Variants in PCDHGA3 observed in about 807,000 individuals in gnomAD.
PCDHGA3 encodes protocadherin gamma-A3.
In PCDHGA3, 40 loss-of-function variants were observed where a neutral mutation model predicts 58.5. The ratio of observed to expected loss-of-function variants is 0.68; its 90% CI spans 0.53 to 0.89. The LOEUF is 0.89. Ranked by LOEUF, PCDHGA3 falls within the 40% of genes least tolerant of loss-of-function variation. The probability of loss-of-function intolerance (pLI) is 0.00; values close to 1 mark genes in which losing one functional copy is unlikely to be tolerated. For synonymous variants in PCDHGA3, 530 were observed against 525.7 expected (o/e 1.01, Z -0.11); for missense variants, 1,223 against 1,195.9 (o/e 1.02, Z -0.33).
chr5:141,459,284 A>C (rs2098965103), intron 1 of PCDHGA3, among the ~76,000 whole-genome samples: 1 of 152,174 alleles, frequency 6.6e-6, no homozygotes, highest in African/African-American at 2.4e-5. Flanking sequence ...ATTTCATCTA[A>C]ATGGAATCCT....
Position 141,476,538 on chromosome 5 carries a change from A to G in PCDHGA3, c.2425-18269A>G, listed in dbSNP as rs2099393283. ...CCTGCTTTCCCTACCCAGGAAATGAAATTGGAGATTAGCGAGGCCGTGGCT... is the reference window on the plus strand; with the variant it reads ...CCTGCTTTCCCTACCCAGGAAATGAGATTGGAGATTAGCGAGGCCGTGGCT... On this transcript the variant is annotated intron_variant, in intron 1 of 3. Coordinates refer to ENST00000253812, the MANE Select transcript of PCDHGA3 (RefSeq NM_018916.4). The surrounding 1 kb of genome is among the most constrained non-coding windows in gnomAD (Gnocchi z 7.6). 1.2e-6 allele frequency: 2 copies of G among 1,614,162 alleles called. No homozygotes were observed. Among genetic ancestry groups the G allele is most frequent in the Non-Finnish European group, 1.7e-6 (2 of 1,180,042 alleles).
intron 1 of PCDHGA3, among the ~76,000 whole-genome samples, chr5:141,467,017 C>T (rs1036255706): frequency 4.0e-5 from 6 of 151,156 alleles, no homozygotes; most frequent in African/African-American, 1.5e-4. Context: ...AATTTTTTTC[C>T]CTTTGTTTTT....
At chr5:141,461,354 C>T (rs1189322704) in intron 1 of PCDHGA3, among the ~76,000 whole-genome samples, 2 of 152,054 alleles carry the variant, frequency 1.3e-5, no homozygotes, top group Non-Finnish European at 2.9e-5. Context: ...GGTGGTAGCT[C>T]GTTGTGGTTT....
chr5:141,415,428 G>A, intron 1 of PCDHGA3: 1 of 1,614,206 alleles, frequency 6.2e-7, no homozygotes, highest in Non-Finnish European at 8.5e-7. Flanking sequence ...ACGGGGTTCG[G>A]GCTTTCCTGC....
intron 1 of PCDHGA3, among the ~76,000 whole-genome samples, chr5:141,452,947 G>C (rs2098752833): frequency 6.6e-6 from 1 of 152,144 alleles, no homozygotes; most frequent in Non-Finnish European, 1.5e-5. Flanking sequence ...GCTTGCAATT[G>C]GTTGTCTTTA....
chr5:141,361,416 G>A (rs1464562844), intron 1 of PCDHGA3: 2 of 1,613,876 alleles, frequency 1.2e-6, no homozygotes, highest in Admixed American at 1.7e-5. Context: ...CCACCGACGG[G>A]GGCAAGCCGC....
chr5:141,404,945 G>A (rs753544983), intron 1 of PCDHGA3: 6 of 1,613,952 alleles, frequency 3.7e-6, no homozygotes, highest in Non-Finnish European at 5.1e-6. Flanking sequence ...AGTAGCCATA[G>A]CTGACAGCAT....
intron 1 of PCDHGA3, chr5:141,409,000 C>CACTG: frequency 6.2e-7 from 1 of 1,613,950 alleles, no homozygotes; most frequent in Non-Finnish European, 8.5e-7. Flanking sequence ...AAGTGACAGC[C>CACTG]ACTGACCAGG....
chr5:141,483,243 ATATATCATGAGGTTTTTTTGTT>A (rs555469799), intron 1 of PCDHGA3, among the ~76,000 whole-genome samples: 11 of 151,654 alleles, frequency 7.3e-5, no homozygotes, highest in African/African-American at 2.2e-4. Context: ...ACTGATATGC[ATATATCATGAGGTTTTTTTGTT>A]TTAGAAATAT....
chr5:141,392,877 A>T, intron 1 of PCDHGA3: 1 of 1,613,506 alleles, frequency 6.2e-7, no homozygotes, highest in Non-Finnish European at 8.5e-7. Flanking sequence ...GCTGCTGGGA[A>T]CGCTGTGGGA....
At chr5:141,374,701 C>G (rs781441820) in intron 1 of PCDHGA3, 1 of 1,608,844 alleles carries the variant, frequency 6.2e-7, no homozygotes, top group Non-Finnish European at 8.5e-7. Flanking sequence ...AAGGAGAAGC[C>G]GTTTACCGCC....
chr5:141,476,741 A>G lies in PCDHGA3; in HGVS notation c.2425-18066A>G, dbSNP rs1430298222. On this transcript the variant is annotated intron_variant, in intron 1 of 3. Transcript: ENST00000253812. The surrounding 1 kb of genome is among the most constrained non-coding windows in gnomAD (Gnocchi z 7.6). ...CGCCCTGGACCGAGAACGGGAGCCT[A>G]GTCTCCAGTTAGTGCTGACGGCGTT... The G allele has an allele frequency of 6.2e-7, 1 of 1,613,936 alleles. No individual in the cohort carries two copies. Among genetic ancestry groups the G allele is most frequent in the Non-Finnish European group, 8.5e-7 (1 of 1,180,032 alleles).
In PCDHGA3 at chr5:141,490,601, T is replaced by C. The variant is rs777393370; in HGVS notation, c.2425-4206T>C. 1 of 1,614,176 alleles carries C rather than the reference T, an allele frequency of 6.2e-7. No homozygotes were observed. The highest frequency in any genetic ancestry group is 8.5e-7 in the Non-Finnish European group (1 of 1,180,030). ...GATGTCAATGACAATGCACCCCGCTTCAACCAGCAGCTTTACACTGCTTAC... is the reference window on the plus strand; with the variant it reads ...GATGTCAATGACAATGCACCCCGCTCCAACCAGCAGCTTTACACTGCTTAC... On this transcript the variant is annotated intron_variant, in intron 1 of 3. Transcript: ENST00000253812. This position sits in a 1 kb window ranked among gnomAD's most constrained non-coding sequence, Gnocchi z 5.4.
rs1279529882 is a variant in PCDHGA3, at chr5:141,346,217, G to A, written c.2184G>A (p.Ser728=). 7.4e-6 allele frequency: 12 copies of A among 1,614,056 alleles called. No individual in the cohort carries two copies. Among genetic ancestry groups the A allele is most frequent in the African/African-American group, 2.7e-5 (2 of 74,946 alleles). ...ACAAGTCACGCCTGCTGCAGGCTTC[G>A]GGAGGCGGCTTGGCGAGTACGCCCG... ...RWHKSRLLQA[S]GGGLASTPGS... Residue 728 remains serine, a synonymous_variant, in exon 1 of 4, where the codon TCG becomes TCA. Transcript: ENST00000253812.
intron 1 of PCDHGA3, chr5:141,427,612 T>G (rs975527074): frequency 2.9e-6 from 2 of 691,298 alleles, no homozygotes; most frequent in African/African-American, 1.8e-5. Flanking sequence ...ATTGGTGAAG[T>G]CAACGACAAT....
chr5:141,350,289 T>G (rs1758440000), intron 1 of PCDHGA3: 8 of 1,513,050 alleles, frequency 5.3e-6, no homozygotes, highest in Non-Finnish European at 7.1e-6. Flanking sequence ...GCCGAAATGA[T>G]GAAAAGTCAG....
chr5:141,389,010 C>T (rs141101630), intron 1 of PCDHGA3: 2 of 1,613,862 alleles, frequency 1.2e-6, no homozygotes, highest in African/African-American at 2.7e-5. Flanking sequence ...GGATTCCAGA[C>T]ACAATGGAGA....
chr5:141,492,425 C>T (rs1243599547), intron 1 of PCDHGA3, among the ~76,000 whole-genome samples: 1 of 152,254 alleles, frequency 6.6e-6, no homozygotes, highest in Non-Finnish European at 1.5e-5. Flanking sequence ...CTCCGCCGGG[C>T]TCAGGAGTAC....
chr5:141,362,701 T>G (rs1762639464), intron 1 of PCDHGA3: 1 of 1,035,142 alleles, frequency 9.7e-7, no homozygotes, highest in African/African-American at 1.6e-5. Flanking sequence ...TAACTGAATT[T>G]TAAGTGTTTT....
Sources: allele counts gnomAD v4.1 joint callset (sites outside exome capture counted in the v4.1 genomes callset), GRCh38; gene constraint gnomAD v4.1.1; non-coding constraint Gnocchi (gnomAD v3.1); transcripts MANE v1.5; gene names NCBI Gene and HGNC (gene_info 2026-07-23, HGNC 2026-07-21).